SYNJ1: variants seen among roughly 807,000 people sequenced by gnomAD.
SYNJ1 encodes the protein synaptojanin 1.
In SYNJ1, 78 loss-of-function variants were observed where a neutral mutation model predicts 168.2. The observed-to-expected ratio is 0.46, with a 90% CI of 0.39 to 0.56. The LOEUF is 0.56. SYNJ1 is among the 20% of genes least tolerant of loss of function. SYNJ1 has a pLI of 0.00. For missense variants in SYNJ1, 1,303 were observed against 1,597.6 expected, an observed-to-expected ratio of 0.82 and a Z score of 3.14; for synonymous variants, 539 against 548.6, an observed-to-expected ratio of 0.98 and a Z score of 0.24.
At position 32,666,519 on chromosome 21, in the gene SYNJ1, G is replaced by A. The variant is rs1226475318; in HGVS notation, c.1866C>T (p.Asp622=). The change falls in exon 16 of 33, where the codon GAC becomes GAT. Residue 622 remains aspartate, a synonymous_variant. Transcript: ENST00000674351. ...CAGAAGCCAGCAGCACATACTTGTTGTCTCTGGAGATTGTCTTCTGAAGTT... is the reference window on the plus strand; with the variant it reads ...CAGAAGCCAGCAGCACATACTTGTTATCTCTGGAGATTGTCTTCTGAAGTT... ...AVELQKTISR[D]NKYVLLASEQ... The A allele has an allele frequency of 1.2e-6, 2 of 1,614,098 alleles. No individual in the cohort carries two copies. The highest frequency in any genetic ancestry group is 2.2e-5 in the South Asian group (2 of 91,078).
chr21:32,669,974 ATTTAT>A (rs1316789268), intron 15 of SYNJ1, among the ~76,000 whole-genome samples: 1 of 152,196 alleles, frequency 6.6e-6, no homozygotes, highest in Non-Finnish European at 1.5e-5. Context: ...TTTTCAAAAA[ATTTAT>A]TTTAAGTTAG....
intron 2 of SYNJ1, among the ~76,000 whole-genome samples, chr21:32,723,713 C>T (rs1204942477): frequency 1.3e-5 from 2 of 152,124 alleles, no homozygotes; most frequent in Non-Finnish European, 2.9e-5. Context: ...CCCAGCTACT[C>T]AGGAGGCTGA....
rs2039318354 is a variant in SYNJ1 at position 32,631,346 on chromosome 21, T to C, written c.*459A>G. 2 of 1,614,158 alleles carry C rather than the reference T, an allele frequency of 1.2e-6. No individual in the cohort carries two copies. The highest frequency in any genetic ancestry group is 1.7e-6 in the Non-Finnish European group (2 of 1,180,032). Reference sequence around the variant, plus strand: ...CAAAACTGTCCTTAAAGCCATCAAGTGAAGATGAAGCCCTGCTTTTGTTAT... The same window carrying C: ...CAAAACTGTCCTTAAAGCCATCAAGCGAAGATGAAGCCCTGCTTTTGTTAT... On this transcript the variant is annotated 3_prime_UTR_variant, in exon 33 of 33. Transcript: ENST00000674351.
At chr21:32,706,523 GAA>G (rs888945571) in intron 2 of SYNJ1, among the ~76,000 whole-genome samples, 1 of 150,346 alleles carries the variant, frequency 6.7e-6, no homozygotes, top group Non-Finnish European at 1.5e-5. Flanking sequence ...AAGTCCAGAG[GAA>G]AAAAAGTTAT....
chr21:32,681,412 T>C (rs962114843), intron 11 of SYNJ1, 84 bp downstream of exon 11: 4 of 1,430,040 alleles, frequency 2.8e-6, no homozygotes, highest in Non-Finnish European at 2.8e-6. Context: ...AAACCATCTA[T>C]TAACTTTTAA....
intron 14 of SYNJ1, among the ~76,000 whole-genome samples, 196 bp downstream of exon 14, chr21:32,673,144 G>C (rs1282065286): frequency 6.6e-6 from 1 of 152,104 alleles, no homozygotes; most frequent in Non-Finnish European, 1.5e-5. Context: ...TTATGAAGTA[G>C]AAAATAATGG....
In SYNJ1 at chr21:32,630,915, A is replaced by AT; in HGVS notation, c.*889_*890insA. Reference sequence around the variant, plus strand: ...CAGTGCACTTACAATGACTTATTGCACATAATGAAATACTAATGCCCAATT... The same window carrying AT: ...CAGTGCACTTACAATGACTTATTGCATCATAATGAAATACTAATGCCCAATT... On this transcript the variant is annotated 3_prime_UTR_variant, in exon 33 of 33. Transcript: ENST00000674351. 1 of 1,343,476 alleles carries AT rather than the reference A, an allele frequency of 7.4e-7. No homozygotes were observed. Among genetic ancestry groups the AT allele is most frequent in the Non-Finnish European group, 1.0e-6 (1 of 983,884 alleles). The allele number at this position is 1,343,476 out of a possible 1,614,324, so 83.2% of individuals were successfully genotyped here.
chr21:32,727,948 C>T lies in SYNJ1; in HGVS notation c.-25G>A, dbSNP rs2146446925. On this transcript the variant is annotated splice_region_variant and 5_prime_UTR_variant, in exon 1 of 33. Transcript: ENST00000674351. ...CCGCCCCCCGCCGGCTTGCTCACCT[C>T]TTCCTCCGGCTCCTCCTCCTCCTTC... 1.3e-6 allele frequency: 2 copies of T among 1,533,464 alleles called. No homozygotes were observed. Among genetic ancestry groups the T allele is most frequent in the Admixed American group, 2.0e-5 (1 of 50,942 alleles). The allele number at this position is 1,533,464 out of a possible 1,614,324, so 95.0% of individuals were successfully genotyped here.
chr21:32,705,883 A>T (rs1601490418), intron 2 of SYNJ1, among the ~76,000 whole-genome samples: 1 of 152,264 alleles, frequency 6.6e-6, no homozygotes, highest in East Asian at 1.9e-4. Flanking sequence ...ACTACTCAGG[A>T]GGCTGTGGCG....
rs2042422021 is a variant in SYNJ1, at chr21:32,702,022, C to T, written c.150G>A (p.Lys50=). The T allele has an allele frequency of 6.4e-7, 1 of 1,559,428 alleles. No individual in the cohort carries two copies. The highest frequency in any genetic ancestry group is 8.7e-7 in the Non-Finnish European group (1 of 1,145,154). Residue 50 remains lysine, a synonymous_variant, in exon 3 of 33, where the codon AAG becomes AAA. Coordinates refer to ENST00000674351, the MANE Select transcript of SYNJ1 (RefSeq NM_203446.3). ...CATCCAGTACTTTGGAGTATGTACC[C>T]TTGATTGCCTCTTTTTCTGCAGATG... is the stretch of plus-strand genomic sequence containing the variant. ...VLSSAEKEAI[K]GTYSKVLDAY...
Position 32,678,700 on chromosome 21 carries a change from C to T in SYNJ1, c.1455G>A (p.Leu485=). The change falls in exon 12 of 33, where the codon CTG becomes CTA. Residue 485 remains leucine (L), a synonymous_variant. Coordinates refer to ENST00000674351, the MANE Select transcript of SYNJ1 (RefSeq NM_203446.3). Reference sequence around the variant, plus strand: ...GAGCTTTGTCAGCTAAATCACTATTCAGAGTATTTCCCAGTAGCAAAACAT... The same window carrying T: ...GAGCTTTGTCAGCTAAATCACTATTTAGAGTATTTCCCAGTAGCAAAACAT... ...AIDVLLLGNT[L]NSDLADKARA... 6.2e-7 allele frequency: 1 copy of T among 1,613,082 alleles called. No homozygotes were observed. The highest frequency in any genetic ancestry group is 1.1e-5 in the South Asian group (1 of 90,886).
At chr21:32,699,177 G>A (rs2042311868) in intron 4 of SYNJ1, among the ~76,000 whole-genome samples, 1 of 152,138 alleles carries the variant, frequency 6.6e-6, no homozygotes, top group Admixed American at 6.5e-5. Context: ...TGTAAAGCAA[G>A]CAAAAGTTTT....
At chr21:32,661,523 C>T (rs1953332697) in intron 18 of SYNJ1, among the ~76,000 whole-genome samples, 1 of 152,064 alleles carries the variant, frequency 6.6e-6, no homozygotes. Flanking sequence ...TTTGGACTGC[C>T]CTTACGAATT....
intron 4 of SYNJ1, among the ~76,000 whole-genome samples, 186 bp downstream of exon 4, chr21:32,699,652 C>T (rs2042329476): frequency 1.3e-5 from 2 of 152,040 alleles, no homozygotes; most frequent in Admixed American, 1.3e-4. Flanking sequence ...GGCGTTGGGA[C>T]CCAGAAATCT....
intron 2 of SYNJ1, among the ~76,000 whole-genome samples, chr21:32,707,988 C>T (rs2042676898): frequency 6.6e-6 from 1 of 152,140 alleles, no homozygotes; most frequent in African/African-American, 2.4e-5. Context: ...CGCACTCCAG[C>T]CTGGGTGACA....
intron 2 of SYNJ1, among the ~76,000 whole-genome samples, chr21:32,709,924 T>C (rs1202168352): frequency 6.6e-6 from 1 of 151,790 alleles, no homozygotes; most frequent in Non-Finnish European, 1.5e-5. Flanking sequence ...TCAGGTGGGG[T>C]GTGGTGGCTC....
At chr21:32,656,008 C>T (rs1048569354) in intron 21 of SYNJ1, among the ~76,000 whole-genome samples, 5 of 152,016 alleles carry the variant, frequency 3.3e-5, no homozygotes, top group African/African-American at 9.7e-5. Flanking sequence ...ATTCTTATCT[C>T]TCCTTAAAAA....
rs548047319 is a variant in SYNJ1 at position 32,631,472 on chromosome 21, G to A, written c.*333C>T. The A allele has an allele frequency of 2.3e-5, 37 of 1,614,026 alleles. No homozygotes were observed. The highest frequency in any genetic ancestry group is 5.3e-5 in the African/African-American group (4 of 74,924). On this transcript the variant is annotated 3_prime_UTR_variant, in exon 33 of 33. Coordinates refer to ENST00000674351, the MANE Select transcript of SYNJ1 (RefSeq NM_203446.3). ...ATTCTTCAGACTTGGCTCTAAATGG[G>A]TTTCCAGGAGCAGCAGTCCTGTCAC...
intron 7 of SYNJ1, among the ~76,000 whole-genome samples, chr21:32,687,921 G>A (rs541433645): frequency 2.0e-5 from 3 of 152,030 alleles, no homozygotes; most frequent in African/African-American, 7.3e-5. Context: ...TGAGTATACC[G>A]AACATGATTT....
Sources: allele counts gnomAD v4.1 joint callset (sites outside exome capture counted in the v4.1 genomes callset), GRCh38; gene constraint gnomAD v4.1.1; transcripts MANE v1.5; gene names NCBI Gene and HGNC (gene_info 2026-07-23, HGNC 2026-07-21).